Variants in VPS54 observed in about 807,000 individuals in gnomAD.
VPS54 encodes the protein vacuolar protein sorting-associated protein 54.
Under a neutral mutation model 121.5 loss-of-function variants are expected in VPS54, and 45 were observed. The observed-to-expected ratio is 0.37, with a 90% confidence interval of 0.29 to 0.47. The LOEUF (loss-of-function observed/expected upper bound fraction) is 0.47. VPS54 is among the 20% of genes least tolerant of loss of function. The pLI, the probability that VPS54 is intolerant of heterozygous loss-of-function variation, is 0.99. For missense variants in VPS54, 1,090 were observed against 1,131.4 expected (o/e 0.96, Z 0.52); for synonymous variants, 371 against 385.8 (o/e 0.96, Z 0.45).
intron 7 of VPS54, among the ~76,000 whole-genome samples, chr2:63,957,175 G>A (rs1675532819): frequency 6.6e-6 from 1 of 152,188 alleles, no homozygotes; most frequent in African/African-American, 2.4e-5. Flanking sequence ...GGGCACGGTG[G>A]CTCACACCTG....
intron 3 of VPS54, among the ~76,000 whole-genome samples, chr2:63,980,769 G>T (rs1450392876): frequency 6.6e-6 from 1 of 151,892 alleles, no homozygotes; most frequent in Admixed American, 6.6e-5. Context: ...CCAAATTATA[G>T]GTTACAAAGG....
chr2:64,008,413 C>CAA (rs35629837), intron 1 of VPS54, among the ~76,000 whole-genome samples: 1 of 135,696 alleles, frequency 7.4e-6, no homozygotes, highest in Non-Finnish European at 1.6e-5. Context: ...GACTCCGTCT[C>CAA]AAAAAAAAAA....
At chr2:63,895,813 G>C (rs1672422720) in intron 22 of VPS54, among the ~76,000 whole-genome samples, 1 of 152,170 alleles carries the variant, frequency 6.6e-6, no homozygotes, top group South Asian at 2.1e-4. Flanking sequence ...ATGTGACAGT[G>C]AGGATTCTCT....
intron 12 of VPS54, among the ~76,000 whole-genome samples, chr2:63,931,064 A>T (rs1397727944): frequency 6.6e-6 from 1 of 152,254 alleles, no homozygotes; most frequent in Non-Finnish European, 1.5e-5. Context: ...AAGAAGAATC[A>T]ATATTGTGAA....
chr2:63,955,616 T>C (rs910773898), intron 7 of VPS54, among the ~76,000 whole-genome samples: 4 of 152,164 alleles, frequency 2.6e-5, no homozygotes, highest in African/African-American at 9.6e-5. Context: ...AATTATCTAA[T>C]ACAGGCTATA....
intron 7 of VPS54, among the ~76,000 whole-genome samples, chr2:63,951,522 G>A (rs747896547): frequency 1.3e-5 from 2 of 152,128 alleles, no homozygotes; most frequent in South Asian, 4.1e-4. Flanking sequence ...AGTAGCAACA[G>A]GAGGTGGTTA....
intron 1 of VPS54, among the ~76,000 whole-genome samples, chr2:64,003,101 T>C (rs1469509992): frequency 6.6e-6 from 1 of 151,886 alleles, no homozygotes; most frequent in East Asian, 1.9e-4. Flanking sequence ...AGAACAAAAA[T>C]GATGAGAAAC....
intron 7 of VPS54, 70 bp downstream of exon 7, chr2:63,961,988 C>A (rs2104560763): frequency 7.0e-7 from 1 of 1,424,116 alleles, no homozygotes; most frequent in South Asian, 1.7e-5. Flanking sequence ...ACACTTTTAA[C>A]ATTACATGCT....
At chr2:63,984,712 T>G (rs1676961323) in intron 1 of VPS54, among the ~76,000 whole-genome samples, 1 of 152,220 alleles carries the variant, frequency 6.6e-6, no homozygotes, top group African/African-American at 2.4e-5. Context: ...AACAAATATA[T>G]GTAAGCAAAA....
At chr2:63,984,953 C>G (rs754912025) in intron 1 of VPS54, among the ~76,000 whole-genome samples, 1 of 151,996 alleles carries the variant, frequency 6.6e-6, no homozygotes, top group Non-Finnish European at 1.5e-5. Context: ...TGAGGTTTAA[C>G]AAGTCTAAAA....
intron 5 of VPS54, among the ~76,000 whole-genome samples, chr2:63,966,791 A>G (rs1676021230): frequency 6.6e-6 from 1 of 152,204 alleles, no homozygotes; most frequent in Non-Finnish European, 1.5e-5. Context: ...TTTACCCATT[A>G]CACTCTAGCA....
chr2:63,913,300 G>C lies in VPS54; in HGVS notation c.2345C>G (p.Ser782Ter). The change falls in exon 18 of 23, where the codon TCA (serine) becomes TGA (stop). Residue 782 changes from serine to a stop codon, truncating the protein, a stop_gained. Coordinates refer to ENST00000272322, the MANE Select transcript of VPS54 (RefSeq NM_016516.3). LOFTEE classifies it high-confidence loss of function. ...TCCAAGAACTAACTGGCAACTTCTT[G>C]AATTGAAGTACTAACAAAAGAAGGA... ...RLSDLLKYFNSRSCQLVLGAG... is the reference protein window; with the variant it reads ...RLSDLLKYFN 1 of 1,609,754 alleles carries C rather than the reference G, an allele frequency of 6.2e-7. No homozygotes were observed. The highest frequency in any genetic ancestry group is 8.5e-7 in the Non-Finnish European group (1 of 1,178,276).
intron 1 of VPS54, among the ~76,000 whole-genome samples, chr2:63,987,187 G>C (rs180672939): frequency 1.3e-5 from 2 of 152,212 alleles, no homozygotes; most frequent in Non-Finnish European, 2.9e-5. Context: ...TCTTTTCGTT[G>C]TTTCATAGTT....
At chr2:63,963,014 A>G (rs1012261362) in intron 6 of VPS54, among the ~76,000 whole-genome samples, 4 of 152,154 alleles carry the variant, frequency 2.6e-5, no homozygotes, top group Non-Finnish European at 4.4e-5. Context: ...AAATGTTGGT[A>G]TATCTCTGAC....
chr2:63,912,810 C>T (rs1455932431), intron 18 of VPS54, 149 bp from the exon 19 acceptor site: 1 of 983,258 alleles, frequency 1.0e-6, no homozygotes, highest in Admixed American at 3.6e-5. Flanking sequence ...CAGAAGGCAA[C>T]ATATTTCATT....
chr2:63,987,808 T>A (rs1457261274), intron 1 of VPS54, among the ~76,000 whole-genome samples: 2 of 152,234 alleles, frequency 1.3e-5, no homozygotes, highest in African/African-American at 4.8e-5. Flanking sequence ...GTTACTTTCT[T>A]GATTTCTTTT....
At chr2:63,982,333 T>C (rs1348475597) in intron 2 of VPS54, among the ~76,000 whole-genome samples, 3 of 152,220 alleles carry the variant, frequency 2.0e-5, no homozygotes, top group Non-Finnish European at 4.4e-5. Flanking sequence ...CTTTGGCTTA[T>C]AATTAGGTGA....
intron 6 of VPS54, among the ~76,000 whole-genome samples, chr2:63,965,201 G>A (rs1323082146): frequency 3.3e-5 from 5 of 152,188 alleles, no homozygotes; most frequent in African/African-American, 1.2e-4. Flanking sequence ...GTGGGGCTGG[G>A]CATGGTGGCT....
chr2:63,942,314 AATTTTT>A, intron 11 of VPS54, 145 bp downstream of exon 11: 1 of 511,698 alleles, frequency 2.0e-6, no homozygotes, highest in Non-Finnish European at 3.3e-6. Context: ...GAGGTACCTA[AATTTTT>A]ATTTAAAAAC....
Sources: allele counts gnomAD v4.1 joint callset (sites outside exome capture counted in the v4.1 genomes callset), GRCh38; gene constraint gnomAD v4.1.1; transcripts MANE v1.5; gene names NCBI Gene and HGNC (gene_info 2026-07-23, HGNC 2026-07-21).